The following FER variants were observed in gnomAD, a reference collection of about 807,000 sequenced individuals.
FER encodes the protein FER tyrosine kinase.
Under a neutral mutation model 111.0 loss-of-function variants are expected in FER, and 63 were observed. The observed-to-expected ratio is 0.57, with a 90% confidence interval of 0.46 to 0.70. The LOEUF is 0.70. FER is among the 30% of genes least tolerant of loss of function. The probability of loss-of-function intolerance (pLI) is 0.00; values close to 1 mark genes in which losing one functional copy is unlikely to be tolerated. For synonymous variants in FER, 327 were observed against 313.9 expected, an observed-to-expected ratio of 1.04 and a Z score of -0.44; for missense variants, 914 against 954.0, an observed-to-expected ratio of 0.96 and a Z score of 0.55.
intron 3 of FER, among the ~76,000 whole-genome samples, chr5:108,830,338 C>T (rs914495985): frequency 1.3e-5 from 2 of 152,056 alleles, no homozygotes; most frequent in African/African-American, 2.4e-5. Context: ...CATGTAGTCT[C>T]AGCTACTTGG....
chr5:109,150,129 T>A (rs1754664491), intron 17 of FER, among the ~76,000 whole-genome samples: 1 of 152,148 alleles, frequency 6.6e-6, no homozygotes, highest in African/African-American at 2.4e-5. Context: ...AACCTGTCCC[T>A]GGTGCCAAAA....
chr5:109,105,355 A>C (rs1049851548), intron 17 of FER, among the ~76,000 whole-genome samples: 19 of 150,710 alleles, frequency 1.3e-4, no homozygotes, highest in Non-Finnish European at 1.5e-5. Context: ...ATGATCTTTG[A>C]GGATTTATTT....
At chr5:108,750,587 A>G (rs1366639318) in intron 1 of FER, among the ~76,000 whole-genome samples, 1 of 152,236 alleles carries the variant, frequency 6.6e-6, no homozygotes, top group Non-Finnish European at 1.5e-5. Flanking sequence ...ATCTAAAACT[A>G]TGTAGTGTCA....
At chr5:108,906,032 CTT>C (rs1260754054) in intron 10 of FER, among the ~76,000 whole-genome samples, 1 of 152,276 alleles carries the variant, frequency 6.6e-6, no homozygotes, top group Admixed American at 6.5e-5. Flanking sequence ...TGGTTTGAGT[CTT>C]TGCCTCACCA....
At chr5:108,880,754 T>C (rs1191101897) in intron 8 of FER, among the ~76,000 whole-genome samples, 1 of 152,094 alleles carries the variant, frequency 6.6e-6, no homozygotes, top group East Asian at 1.9e-4. Flanking sequence ...AAGAAAAATG[T>C]TCAATCTGAC....
chr5:109,160,392 G>C (rs893909801), intron 17 of FER, among the ~76,000 whole-genome samples: 7 of 152,100 alleles, frequency 4.6e-5, no homozygotes, highest in African/African-American at 1.7e-4. Context: ...TTCTCTATTA[G>C]TATATCAATA....
At position 108,808,285 on chromosome 5, in the gene FER, A is replaced by G. The variant is rs193144638; in HGVS notation, c.207+9896A>G. ...TTTTTTTGTGAATCTAGGTGCTTCAATGTTGGGTGCATATATTAAATATAA... is the reference window on the plus strand; with the variant it reads ...TTTTTTTGTGAATCTAGGTGCTTCAGTGTTGGGTGCATATATTAAATATAA... On this transcript the variant is annotated intron_variant, in intron 3 of 19. Coordinates refer to ENST00000281092, the MANE Select transcript of FER (RefSeq NM_005246.4). Among the ~76,000 whole-genome samples the G allele has an allele frequency of 6.5e-4, 99 of 152,074 alleles. 1 individual carries two copies. The highest frequency in any genetic ancestry group is 1.0e-3 in the African/African-American group (42 of 41,482).
intron 1 of FER, among the ~76,000 whole-genome samples, chr5:108,764,421 A>G (rs981574229): frequency 1.3e-5 from 2 of 151,912 alleles, no homozygotes; most frequent in African/African-American, 4.8e-5. Flanking sequence ...TTTTGAGACG[A>G]AGTTTCACTC....
intron 16 of FER, among the ~76,000 whole-genome samples, chr5:109,073,988 G>C (rs373971012): frequency 6.6e-6 from 1 of 151,866 alleles, no homozygotes; most frequent in Non-Finnish European, 1.5e-5. Flanking sequence ...CTTTTCTTTC[G>C]TATCTTATAA....
At chr5:109,157,294 T>G (rs1341013200) in intron 17 of FER, among the ~76,000 whole-genome samples, 1 of 152,148 alleles carries the variant, frequency 6.6e-6, no homozygotes, top group African/African-American at 2.4e-5. Context: ...TTACACAGAT[T>G]TTCTTAGTGA....
At chr5:108,996,723 AG>A (rs892426931) in intron 13 of FER, among the ~76,000 whole-genome samples, 1 of 152,118 alleles carries the variant, frequency 6.6e-6, no homozygotes, top group African/African-American at 2.4e-5. Context: ...CTTTTTTGCT[AG>A]GATTGTCTTG....
chr5:109,095,711 A>T (rs1030476482), intron 16 of FER, among the ~76,000 whole-genome samples: 2 of 152,118 alleles, frequency 1.3e-5, no homozygotes, highest in African/African-American at 4.8e-5. Flanking sequence ...TAACAGCCAT[A>T]ATTCTCATCA....
At chr5:108,954,019 C>G (rs975970959) in intron 11 of FER, among the ~76,000 whole-genome samples, 1 of 152,052 alleles carries the variant, frequency 6.6e-6, no homozygotes, top group Non-Finnish European at 1.5e-5. Flanking sequence ...TAGCATTTGG[C>G]CTCTTAAAAT....
At chr5:109,089,529 A>G (rs1467107600) in intron 16 of FER, among the ~76,000 whole-genome samples, 1 of 152,174 alleles carries the variant, frequency 6.6e-6, no homozygotes, top group Non-Finnish European at 1.5e-5. Context: ...AGATGGCAGA[A>G]TAGAAAGTCT....
intron 2 of FER, among the ~76,000 whole-genome samples, chr5:108,779,897 A>G (rs867287527): frequency 7.2e-5 from 11 of 152,196 alleles, no homozygotes; most frequent in African/African-American, 2.4e-4. Context: ...ATAAAATACT[A>G]ATTACCACCT....
At chr5:109,016,075 C>A (rs1288176291) in intron 13 of FER, among the ~76,000 whole-genome samples, 1 of 151,946 alleles carries the variant, frequency 6.6e-6, no homozygotes, top group African/African-American at 2.4e-5. Context: ...GCTGAGAATG[C>A]CCTTTTCTAG....
rs549796628 is a variant in FER at position 109,151,089 on chromosome 5, G to C, written c.2049-29658G>C. Reference sequence around the variant, plus strand: ...TAGTCTAAAATGGCTTTGCTGAACAGAAAATTGTTGTAATTCGCTGAATGA... The same window carrying C: ...TAGTCTAAAATGGCTTTGCTGAACACAAAATTGTTGTAATTCGCTGAATGA... On this transcript the variant is annotated intron_variant, in intron 17 of 19. Transcript: ENST00000281092. Among the ~76,000 whole-genome samples, 4 of 152,232 alleles carry C rather than the reference G, an allele frequency of 2.6e-5. No individual in the cohort carries two copies. In the South Asian group the frequency reaches 8.3e-4, roughly 32 times the overall value.
chr5:108,825,948 G>A (rs560799590), intron 3 of FER, among the ~76,000 whole-genome samples: 1 of 152,182 alleles, frequency 6.6e-6, no homozygotes, highest in Admixed American at 6.5e-5. Flanking sequence ...TAATTGCTCT[G>A]GCTAGGACTT....
chr5:109,127,321 T>C (rs932445502), intron 17 of FER, among the ~76,000 whole-genome samples: 2 of 152,222 alleles, frequency 1.3e-5, no homozygotes, highest in African/African-American at 4.8e-5. Flanking sequence ...GTGTATTGTA[T>C]GTCTTTATTA....
Sources: gnomAD v4.1 joint callset for allele counts (sites outside exome capture counted in the v4.1 genomes callset) on GRCh38, gnomAD v4.1.1 for gene constraint, MANE v1.5 for transcripts, NCBI Gene and HGNC (gene_info 2026-07-23, HGNC 2026-07-21) for gene names.